Variants in ANK2 observed in about 807,000 individuals in gnomAD.
The protein encoded by ANK2 is ankyrin-2.
Under a neutral mutation model 360.5 loss-of-function variants are expected in ANK2, and 83 were observed. The observed-to-expected ratio is 0.23, with a 90% confidence interval of 0.19 to 0.28. The LOEUF is 0.28. Among genes scored for constraint, ANK2 ranks in the 10% least tolerant of loss-of-function variants. The pLI, the probability that ANK2 is intolerant of heterozygous loss-of-function variation, is 1.00. For synonymous variants in ANK2, 1,740 were observed against 1,759.5 expected, an observed-to-expected ratio of 0.99 and a Z score of 0.28; for missense variants, 4,201 against 4,795.7, an observed-to-expected ratio of 0.88 and a Z score of 3.66.
intron 27 of ANK2, among the ~76,000 whole-genome samples, chr4:113,331,720 T>G (rs1346244052): frequency 6.6e-6 from 1 of 152,182 alleles, no homozygotes; most frequent in African/African-American, 2.4e-5. Context: ...CCTTTTTGGC[T>G]AGTGCCCTGG....
the ANK2 span, among the ~76,000 whole-genome samples, chr4:112,796,753 A>G: frequency 6.6e-6 from 1 of 151,912 alleles, no homozygotes; most frequent in Non-Finnish European, 1.5e-5. Context: ...TGTAACAAGC[A>G]GTTTCATTTC....
intron 2 of ANK2, among the ~76,000 whole-genome samples, chr4:113,188,371 C>T (rs991148397): frequency 2.0e-5 from 3 of 152,168 alleles, no homozygotes; most frequent in African/African-American, 4.8e-5. Context: ...TAAGCATCCA[C>T]TCTGCTTTCT....
In ANK2 at chr4:112,862,874, ACTCT is replaced by A. The variant is rs543114647; in HGVS notation, c.-39-41574_-39-41571del. On this transcript the variant is annotated intron_variant, in intron 1 of 30. Transcript: ENST00000503271. ...AGTCCAGCCTGGGTAACATAGCAAG[ACTCT>A]CTCTCTTAAAAAAAAAATGAAATGA... Among the ~76,000 whole-genome samples the A allele has an allele frequency of 9.6e-4, 146 of 151,562 alleles. 1 individual carries two copies. The highest frequency in any genetic ancestry group is 4.4e-3 in the South Asian group (21 of 4,796).
At chr4:113,233,336 C>T (rs979331270) in intron 5 of ANK2, among the ~76,000 whole-genome samples, 1 of 150,518 alleles carries the variant, frequency 6.6e-6, no homozygotes, top group Non-Finnish European at 1.5e-5. Flanking sequence ...GGGGTTTCAC[C>T]GTTTTAGCCG....
At chr4:113,073,873 C>T (rs1438492606) in intron 1 of ANK2, among the ~76,000 whole-genome samples, 1 of 152,134 alleles carries the variant, frequency 6.6e-6, no homozygotes, top group Non-Finnish European at 1.5e-5. Flanking sequence ...GTATGCCCTA[C>T]GTTGGATGCC....
intron 2 of ANK2, among the ~76,000 whole-genome samples, chr4:112,930,123 T>C (rs1311261264): frequency 6.6e-6 from 1 of 152,154 alleles, no homozygotes; most frequent in Non-Finnish European, 1.5e-5. Context: ...CTCCCTTTTT[T>C]TTTTTAACAG....
intron 17 of ANK2, among the ~76,000 whole-genome samples, chr4:113,282,052 G>C (rs1367599368): frequency 6.6e-6 from 1 of 152,166 alleles, no homozygotes; most frequent in Non-Finnish European, 1.5e-5. Flanking sequence ...AGTAATATTT[G>C]TTGAACCAGT....
At chr4:112,806,780 G>A in the ANK2 span, among the ~76,000 whole-genome samples, 869 of 152,238 alleles carry the variant, frequency 5.7e-3, 6 homozygotes, top group African/African-American at 0.02. Flanking sequence ...GCAGTGAGCC[G>A]TGATGACGCC....
chr4:112,787,978 G>A, the ANK2 span: 1 of 650,986 alleles, frequency 1.5e-6, no homozygotes, highest in Non-Finnish European at 2.7e-6. Flanking sequence ...TGATTAGTGA[G>A]TCATTACAGA....
At chr4:113,230,190 G>T (rs1291781420) in intron 4 of ANK2, among the ~76,000 whole-genome samples, 1 of 151,766 alleles carries the variant, frequency 6.6e-6, no homozygotes, top group Non-Finnish European at 1.5e-5. Flanking sequence ...TTTTTTAGTT[G>T]TAAATTTTCC....
intron 1 of ANK2, among the ~76,000 whole-genome samples, chr4:112,863,738 A>G (rs370034397): frequency 1.2e-4 from 18 of 151,886 alleles, no homozygotes; most frequent in South Asian, 4.2e-4. Flanking sequence ...TAGCCAGGAT[A>G]GTCTCGATCT....
chr4:112,899,993 G>A (rs752689243), intron 1 of ANK2, among the ~76,000 whole-genome samples: 3 of 151,948 alleles, frequency 2.0e-5, no homozygotes, highest in Admixed American at 6.6e-5. Flanking sequence ...TTGTATTACT[G>A]GCCACATTTC....
intron 1 of ANK2, among the ~76,000 whole-genome samples, chr4:113,137,514 A>T (rs1225258918): frequency 6.6e-6 from 1 of 152,192 alleles, no homozygotes; most frequent in East Asian, 1.9e-4. Flanking sequence ...ATACTAAGGA[A>T]CTGGTAGAAA....
chr4:112,952,694 G>A (rs1384676113), intron 2 of ANK2, among the ~76,000 whole-genome samples: 1 of 152,142 alleles, frequency 6.6e-6, no homozygotes, highest in Non-Finnish European at 1.5e-5. Context: ...TATATGCAAA[G>A]TTCTAAATTA....
chr4:112,920,010 G>T (rs868389244), intron 2 of ANK2, among the ~76,000 whole-genome samples: 1,659 of 151,962 alleles, frequency 0.011, 27 homozygotes, highest in African/African-American at 0.038. Context: ...TGGAATTTTA[G>T]GTTTCTTGGG....
intron 2 of ANK2, among the ~76,000 whole-genome samples, chr4:113,043,456 A>C (rs1455319121): frequency 1.3e-5 from 2 of 150,994 alleles, no homozygotes; most frequent in South Asian, 2.1e-4. Flanking sequence ...AAAAAAAAAG[A>C]GACAGGGTCT....
the ANK2 span, among the ~76,000 whole-genome samples, chr4:112,732,396 AC>A: frequency 6.6e-6 from 1 of 151,786 alleles, no homozygotes; most frequent in Non-Finnish European, 1.5e-5. Context: ...GCACTACATT[AC>A]CATACCCAGC....
At chr4:113,134,206 A>G (rs760416718) in intron 1 of ANK2, among the ~76,000 whole-genome samples, 2 of 151,356 alleles carry the variant, frequency 1.3e-5, no homozygotes, top group African/African-American at 2.4e-5. Flanking sequence ...GGCCCAAAGT[A>G]TCATATGACT....
chr4:112,800,696 C>A, the ANK2 span, among the ~76,000 whole-genome samples: 1 of 152,014 alleles, frequency 6.6e-6, no homozygotes, highest in Non-Finnish European at 1.5e-5. Flanking sequence ...CGCTCTTGTT[C>A]CCCAGGCTGG....
Sources: allele counts gnomAD v4.1 joint callset (sites outside exome capture counted in the v4.1 genomes callset), GRCh38; gene constraint gnomAD v4.1.1; transcripts MANE v1.5; gene names NCBI Gene and HGNC (gene_info 2026-07-23, HGNC 2026-07-21).